RAB32: variants seen among roughly 807,000 people sequenced by gnomAD.
RAB32 encodes RAB32, member RAS oncogene family.
In RAB32, 17 loss-of-function variants were observed where a neutral mutation model predicts 17.5. The ratio of observed to expected loss-of-function variants is 0.97; its 90% CI spans 0.67 to 1.46. The LOEUF (loss-of-function observed/expected upper bound fraction) is 1.46. Ranked by LOEUF, RAB32 falls within the 40% of genes most tolerant of loss-of-function variation. RAB32 has a pLI of 0.00. For missense variants in RAB32, 288 were observed against 284.3 expected, an observed-to-expected ratio of 1.01 and a Z score of -0.09; for synonymous variants, 115 against 111.1, an observed-to-expected ratio of 1.04 and a Z score of -0.22.
At chr6:146,547,590 T>C (rs1327603653) in intron 1 of RAB32, among the ~76,000 whole-genome samples, 1 of 152,136 alleles carries the variant, frequency 6.6e-6, no homozygotes, top group Non-Finnish European at 1.5e-5. Flanking sequence ...TGGATCCTGA[T>C]TGCCTTGCTG....
chr6:146,549,364 A>T, intron 1 of RAB32, 100 bp from the exon 2 acceptor site: 1 of 926,272 alleles, frequency 1.1e-6, no homozygotes. Flanking sequence ...AATGGAAGAC[A>T]TTTGTTCATA....
chr6:146,547,224 G>C (rs1779834945), intron 1 of RAB32, among the ~76,000 whole-genome samples: 1 of 152,098 alleles, frequency 6.6e-6, no homozygotes, highest in Admixed American at 6.5e-5. Context: ...AGGTAAAGTA[G>C]TATTTGGTTT....
chr6:146,554,668 C>T lies in RAB32; in HGVS notation c.*63C>T, dbSNP rs766927883. The T allele has an allele frequency of 1.3e-6, 2 of 1,533,478 alleles. No homozygotes were observed. Among genetic ancestry groups the T allele is most frequent in the East Asian group, 2.3e-5 (1 of 43,762 alleles). 95.0% of individuals were successfully genotyped at this position (1,533,478 alleles called of 1,614,324 possible). A position where few individuals can be genotyped will look rare whatever the true frequency, so the allele number is the denominator to read the frequency against. Reference sequence around the variant, plus strand: ...TGAAGAAGTTCCTGAGAATGGGTTACAGATGTCATGTTAGCTGGGAGTCTT... The same window carrying T: ...TGAAGAAGTTCCTGAGAATGGGTTATAGATGTCATGTTAGCTGGGAGTCTT... On this transcript the variant is annotated 3_prime_UTR_variant, in exon 3 of 3. Transcript: ENST00000367495.
At chr6:146,549,412 T>C (rs1779867577) in intron 1 of RAB32, 52 bp from the exon 2 acceptor site, 1 of 1,500,808 alleles carries the variant, frequency 6.7e-7, no homozygotes, top group African/African-American at 1.4e-5. Context: ...TACCTAAATG[T>C]AGACTCTGTC....
Position 146,551,659 on chromosome 6 carries a change from T to TA in RAB32, c.528+1921dup, listed in dbSNP as rs1257363813. Among the ~76,000 whole-genome samples, 6 of 152,176 alleles carry TA rather than the reference T, an allele frequency of 3.9e-5. No individual in the cohort carries two copies. The South Asian group carries it at 8.3e-4, about 21-fold the overall frequency. On this transcript the variant is annotated intron_variant, in intron 2 of 2. Coordinates refer to ENST00000367495, the MANE Select transcript of RAB32 (RefSeq NM_006834.5). ...TGTGCATTTTGGTGGAGGAGTTTTA[T>TA]AAATGATAGACAAAATTCCCCTTTA...
chr6:146,549,430 C>G, intron 1 of RAB32, 34 bp from the exon 2 acceptor site: 1 of 1,580,930 alleles, frequency 6.3e-7, no homozygotes, highest in Non-Finnish European at 8.6e-7. Context: ...GTCTGAATTA[C>G]AAGTTTTTAA....
chr6:146,544,113 AC>A lies in RAB32; in HGVS notation c.243del (p.Asp81GlufsTer11). On this transcript the variant is annotated frameshift_variant, in exon 1 of 3. Coordinates refer to ENST00000367495, the MANE Select transcript of RAB32 (RefSeq NM_006834.5). LOFTEE classifies it high-confidence loss of function. Reference protein sequence around the residue: ...SRTLVRLQLWDIAGQERFGNM... With the variant: ...SRTLVRLQLWXIAGQERFGNM... ...ACTCTGGTGCGCCTGCAGCTGTGGG[AC>A]ATCGCGGGTAAGCGCGGCCGCGAGT... 1 of 1,610,492 alleles carries A rather than the reference AC, an allele frequency of 6.2e-7. No individual in the cohort carries two copies. The highest frequency in any genetic ancestry group is 8.5e-7 in the Non-Finnish European group (1 of 1,178,224).
rs957747780 is a variant in RAB32 at position 146,544,239 on chromosome 6, A to C, written c.250+118A>C. On this transcript the variant is annotated intron_variant, in intron 1 of 2. Coordinates refer to ENST00000367495, the MANE Select transcript of RAB32 (RefSeq NM_006834.5). ...TCTGCCTGGGTACCTTTAGGAGAAGAGAGAGGCCCAATCCAAGGGCGAGAT... is the reference window on the plus strand; with the variant it reads ...TCTGCCTGGGTACCTTTAGGAGAAGCGAGAGGCCCAATCCAAGGGCGAGAT... 3.4e-5 allele frequency: 45 copies of C among 1,338,256 alleles called. No homozygotes were observed. The African/African-American group carries it at 5.3e-4, about 16-fold the overall frequency. The allele number at this position is 1,338,256 out of a possible 1,614,324, so 82.9% of individuals were successfully genotyped here.
chr6:146,554,517 A>G lies in RAB32; in HGVS notation c.590A>G (p.Gln197Arg). 1 of 1,613,966 alleles carries G rather than the reference A, an allele frequency of 6.2e-7. No homozygotes were observed. Among genetic ancestry groups the G allele is most frequent in the Admixed American group, 1.7e-5 (1 of 60,000 alleles). The part of the protein sequence containing the change: ...FLVEKILVNH[Q>R]SFPNEENDVD... ...GTGGAGAAGATTCTTGTAAACCACC[A>G]AAGCTTTCCTAATGAAGAAAACGAT... Residue 197 changes from glutamine (Q) to arginine (R), a missense_variant, in exon 3 of 3, where the codon CAA becomes CGA. By Grantham distance (43) the Gln-to-Arg change is conservative. Transcript: ENST00000367495.
At chr6:146,550,656 CA>C (rs11399832) in intron 2 of RAB32, among the ~76,000 whole-genome samples, 37 of 127,336 alleles carry the variant, frequency 2.9e-4, no homozygotes, top group South Asian at 1.4e-3. Flanking sequence ...GACCCCATCT[CA>C]AAAAAAAAAA....
chr6:146,547,387 A>T (rs929089322), intron 1 of RAB32, among the ~76,000 whole-genome samples: 1 of 152,060 alleles, frequency 6.6e-6, no homozygotes, highest in African/African-American at 2.4e-5. Context: ...GCTTTTTAGG[A>T]TCAACATTTT....
At chr6:146,547,176 C>T (rs1779834104) in intron 1 of RAB32, among the ~76,000 whole-genome samples, 1 of 152,090 alleles carries the variant, frequency 6.6e-6, no homozygotes, top group Non-Finnish European at 1.5e-5. Flanking sequence ...CAAGATATAG[C>T]AAGAGATGTC....
intron 1 of RAB32, among the ~76,000 whole-genome samples, chr6:146,546,788 T>G (rs1163008006): frequency 2.7e-5 from 4 of 149,996 alleles, no homozygotes; most frequent in Admixed American, 2.0e-4. Context: ...TTAGGTTTTT[T>G]TTTTTTTTTT....
At chr6:146,544,769 GC>G (rs376516336) in intron 1 of RAB32, among the ~76,000 whole-genome samples, 11 of 59,868 alleles carry the variant, frequency 1.8e-4, no homozygotes, top group African/African-American at 5.1e-4. Flanking sequence ...TGGTGCCCTC[GC>G]CCCCCCCCGC....
At chr6:146,545,619 G>C (rs2114781431) in intron 1 of RAB32, among the ~76,000 whole-genome samples, 1 of 152,308 alleles carries the variant, frequency 6.6e-6, no homozygotes, top group South Asian at 2.1e-4. Context: ...ATGCAACTCA[G>C]TTGCTCAGAA....
chr6:146,544,455 T>C (rs983224728), intron 1 of RAB32, among the ~76,000 whole-genome samples: 2 of 152,124 alleles, frequency 1.3e-5, no homozygotes, highest in African/African-American at 4.8e-5. Flanking sequence ...TTGAGAAGGC[T>C]GCTTTGGAGC....
intron 2 of RAB32, among the ~76,000 whole-genome samples, chr6:146,552,426 G>A (rs1779907267): frequency 6.6e-6 from 1 of 152,134 alleles, no homozygotes; most frequent in African/African-American, 2.4e-5. Context: ...TAGCACAGCT[G>A]TTTTAGGTTT....
At chr6:146,551,410 A>T (rs1049360422) in intron 2 of RAB32, among the ~76,000 whole-genome samples, 11 of 152,034 alleles carry the variant, frequency 7.2e-5, no homozygotes, top group African/African-American at 1.9e-4. Context: ...TTTTTAGTAG[A>T]GACAGAATTT....
intron 2 of RAB32, among the ~76,000 whole-genome samples, chr6:146,551,487 A>G (rs1779898249): frequency 6.6e-6 from 1 of 151,964 alleles, no homozygotes; most frequent in South Asian, 2.1e-4. Flanking sequence ...AGCCTCCCAA[A>G]GCACTAGGAT....
Sources: gnomAD v4.1 joint callset for allele counts (sites outside exome capture counted in the v4.1 genomes callset) on GRCh38, gnomAD v4.1.1 for gene constraint, MANE v1.5 for transcripts, NCBI Gene and HGNC (gene_info 2026-07-23, HGNC 2026-07-21) for gene names.